Variants in HECTD4 observed in about 807,000 individuals in gnomAD.
HECTD4 encodes probable E3 ubiquitin-protein ligase HECTD4.
Under a neutral mutation model 471.5 loss-of-function variants are expected in HECTD4, and 114 were observed. That is an observed-to-expected ratio of 0.24 (90% confidence interval 0.21 to 0.28). The LOEUF (loss-of-function observed/expected upper bound fraction) is 0.28, where lower values mean the gene tolerates loss of function less well. HECTD4 is among the 10% of genes least tolerant of loss of function. The probability of loss-of-function intolerance (pLI) is 1.00; values close to 1 mark genes in which losing one functional copy is unlikely to be tolerated. For synonymous variants in HECTD4, 2,012 were observed against 2,256.0 expected, an observed-to-expected ratio of 0.89 and a Z score of 3.07; for missense variants, 3,866 against 5,651.5, an observed-to-expected ratio of 0.68 and a Z score of 10.13.
At position 112,179,508 on chromosome 12, in the gene HECTD4, A is replaced by G. The variant is rs1311138814; in HGVS notation, c.10988-111T>C. ...TTGAAAGGGGCAGTGGATGGACATTAGTGGAAGGAAGAGCTGCCCACCAAA... is the reference window on the plus strand; with the variant it reads ...TTGAAAGGGGCAGTGGATGGACATTGGTGGAAGGAAGAGCTGCCCACCAAA... On this transcript the variant is annotated intron_variant, in intron 62 of 75. Coordinates refer to ENST00000682272, the MANE Select transcript of HECTD4 (RefSeq NM_001388303.1). The surrounding 1 kb of genome is among the most constrained non-coding windows in gnomAD (Gnocchi z 4.3). 2 of 947,276 alleles carry G rather than the reference A, an allele frequency of 2.1e-6. No individual in the cohort carries two copies. Among genetic ancestry groups the G allele is most frequent in the East Asian group, 2.6e-5 (1 of 38,132 alleles). 58.7% of individuals were successfully genotyped at this position (947,276 alleles called of 1,614,324 possible).
chr12:112,185,814 A>G (rs1203570395), intron 60 of HECTD4, among the ~76,000 whole-genome samples: 3 of 152,258 alleles, frequency 2.0e-5, no homozygotes, highest in Non-Finnish European at 2.9e-5. Flanking sequence ...CATGTTGGTG[A>G]TAAGTCCCTA....
At chr12:112,190,265 A>C (rs2032034215) in intron 60 of HECTD4, among the ~76,000 whole-genome samples, 1 of 152,254 alleles carries the variant, frequency 6.6e-6, no homozygotes, top group Non-Finnish European at 1.5e-5. Context: ...AGTTGTAGAC[A>C]TCAGTATGCT....
In HECTD4 at chr12:112,184,676, G is replaced by T; in HGVS notation, c.10290C>A (p.Asp3430Glu). ...ACNAHGGVFK[D>E]EIYIPLQEED... is the part of the protein sequence containing the mutation. ...CTTCCTGCAGCGGGATGTAGATCTC[G>T]TCTTTGAAGACCCCGCCGTGGGCGT... The change falls in exon 61 of 76, where the codon GAC (aspartate) becomes GAA (glutamate). Residue 3430 changes from aspartate to glutamate, a missense_variant. Transcript: ENST00000682272. The surrounding 1 kb of genome is among the most constrained non-coding windows in gnomAD (Gnocchi z 9.1). 1 of 1,613,052 alleles carries T rather than the reference G, an allele frequency of 6.2e-7. No individual in the cohort carries two copies. Among genetic ancestry groups the T allele is most frequent in the Admixed American group, 1.7e-5 (1 of 59,948 alleles).
chr12:112,378,366 C>A (rs1004509394), intron 1 of HECTD4, among the ~76,000 whole-genome samples: 12 of 151,178 alleles, frequency 7.9e-5, no homozygotes, highest in African/African-American at 2.7e-4. Flanking sequence ...CTACAAGCGC[C>A]CGCCACCACG....
In HECTD4 at chr12:112,256,500, T is replaced by C. The variant is rs561890312; in HGVS notation, c.3147A>G (p.Glu1049=). Reference sequence around the variant, plus strand: ...TTAAACCAGTGAGAAATCCTGGCTCTTCCTTCTCTTCTAACATTCTAAACA... The same window carrying C: ...TTAAACCAGTGAGAAATCCTGGCTCCTCCTTCTCTTCTAACATTCTAAACA... ...FPDERMLEEK[E]EPGFLTGLKI... The change falls in exon 21 of 76, where the codon GAA becomes GAG. Residue 1049 remains glutamate, a synonymous_variant. Transcript: ENST00000682272. The C allele has an allele frequency of 1.3e-6, 2 of 1,590,522 alleles. No individual in the cohort carries two copies. The highest frequency in any genetic ancestry group is 2.3e-5 in the South Asian group (2 of 85,754).
chr12:112,270,247 A>G lies in HECTD4; in HGVS notation c.2155T>C (p.Cys719Arg). The G allele has an allele frequency of 6.2e-7, 1 of 1,613,044 alleles. No homozygotes were observed. Among genetic ancestry groups the G allele is most frequent in the Non-Finnish European group, 8.5e-7 (1 of 1,178,998 alleles). The change falls in exon 12 of 76, where the codon TGC (cysteine) becomes CGC (arginine). Residue 719 changes from cysteine to arginine, a missense_variant. Physicochemically the swap from Cys to Arg is radical, Grantham distance 180. Coordinates refer to ENST00000682272, the MANE Select transcript of HECTD4 (RefSeq NM_001388303.1). ...TTTACCTGAAAGACAACGAGAATGC[A>G]GCGTATAATACAGGTATCTCCATTA... is the stretch of plus-strand genomic sequence containing the variant. ...MVNGDTCIIR[C>R]ILVVFQVVFK...
At chr12:112,356,962 AAC>A (rs1238071485) in intron 1 of HECTD4, among the ~76,000 whole-genome samples, 1 of 152,206 alleles carries the variant, frequency 6.6e-6, no homozygotes, top group Non-Finnish European at 1.5e-5. Flanking sequence ...TCATTACATT[AAC>A]AGACAGTTCG....
chr12:112,364,421 A>T lies in HECTD4; in HGVS notation c.177+17531T>A, dbSNP rs537518803. Among the ~76,000 whole-genome samples, 403 of 147,640 alleles carry T rather than the reference A, an allele frequency of 2.7e-3. 3 individuals carry two copies. The highest frequency in any genetic ancestry group is 8.7e-3 in the African/African-American group (341 of 39,118). ...GACTCTCTCTCTCAAAAAAAAAAAA[A>T]AATAAATAAATAAAAGGCAAAATGT... On this transcript the variant is annotated intron_variant, in intron 1 of 75. Transcript: ENST00000682272.
At chr12:112,353,803 C>A (rs570464900) in intron 1 of HECTD4, among the ~76,000 whole-genome samples, 13 of 152,284 alleles carry the variant, frequency 8.5e-5, no homozygotes, top group African/African-American at 3.1e-4. Flanking sequence ...CTCATAGAAT[C>A]CACTTGCTTG....
intron 22 of HECTD4, among the ~76,000 whole-genome samples, chr12:112,253,556 A>G (rs2033943551): frequency 6.6e-6 from 1 of 152,232 alleles, no homozygotes; most frequent in South Asian, 2.1e-4. Context: ...TCTTATATTC[A>G]TATTCCAGGC....
At chr12:112,268,320 C>T (rs1300955119) in intron 13 of HECTD4, among the ~76,000 whole-genome samples, 1 of 152,128 alleles carries the variant, frequency 6.6e-6, no homozygotes, top group Non-Finnish European at 1.5e-5. Flanking sequence ...GAAAGAGATT[C>T]GAAGCATAAT....
chr12:112,223,452 C>T (rs2033151875), intron 44 of HECTD4, among the ~76,000 whole-genome samples: 1 of 152,136 alleles, frequency 6.6e-6, no homozygotes, highest in Non-Finnish European at 1.5e-5. Flanking sequence ...CAGAGTCTTG[C>T]TCTGTCTCCC....
rs944659447 is a variant in HECTD4, at chr12:112,184,114, G to A, written c.10779+73C>T. 20 of 1,386,572 alleles carry A rather than the reference G, an allele frequency of 1.4e-5. No homozygotes were observed. The Admixed American group carries it at 3.8e-4, about 26-fold the overall frequency. The allele number at this position is 1,386,572 out of a possible 1,614,324, so 85.9% of individuals were successfully genotyped here. A position where few individuals can be genotyped will look rare whatever the true frequency, so the allele number is the denominator to read the frequency against. On this transcript the variant is annotated intron_variant, in intron 61 of 75. Transcript: ENST00000682272. This position sits in a 1 kb window ranked among gnomAD's most constrained non-coding sequence, Gnocchi z 9.1. ...CCATTACCTACTAGGAAATAACTTT[G>A]GAAGATTTAAAGAGGCTTGGGGGAT...
chr12:112,364,859 T>C (rs2036529540), intron 1 of HECTD4, among the ~76,000 whole-genome samples: 1 of 152,258 alleles, frequency 6.6e-6, no homozygotes, highest in Admixed American at 6.5e-5. Context: ...TTAGTGAATT[T>C]TTCCTGACCT....
rs761294926 is a variant in HECTD4, at chr12:112,179,198, CT to C, written c.11186del (p.Lys3729ArgfsTer11). 1 of 1,613,766 alleles carries C rather than the reference CT, an allele frequency of 6.2e-7. No homozygotes were observed. The highest frequency in any genetic ancestry group is 1.7e-5 in the Admixed American group (1 of 59,990). The part of the protein sequence containing the change: ...LFFTNVRPPK[K>X]VLEDQLTQIL... ...CCTGGGTGAGCTGATCCTCCAGCAC[CT>C]TTTTTGGCGGCCGGACATTGGTGAA... On this transcript the variant is annotated frameshift_variant, in exon 63 of 76. Coordinates refer to ENST00000682272, the MANE Select transcript of HECTD4 (RefSeq NM_001388303.1). LOFTEE classifies it high-confidence loss of function. The surrounding 1 kb of genome is among the most constrained non-coding windows in gnomAD (Gnocchi z 4.3).
chr12:112,199,768 C>T (rs762181009), intron 55 of HECTD4, among the ~76,000 whole-genome samples: 3 of 152,188 alleles, frequency 2.0e-5, no homozygotes, highest in Non-Finnish European at 4.4e-5. Context: ...TCAAGCAATA[C>T]CTGATTGGCT....
intron 9 of HECTD4, among the ~76,000 whole-genome samples, chr12:112,277,035 C>T (rs1175749461): frequency 6.6e-6 from 1 of 152,080 alleles, no homozygotes; most frequent in African/African-American, 2.4e-5. Flanking sequence ...GCAGTCCCTC[C>T]AAGGGTAAAC....
chr12:112,225,200 T>C (rs879415520), intron 44 of HECTD4, among the ~76,000 whole-genome samples: 5 of 149,116 alleles, frequency 3.4e-5, no homozygotes, highest in Admixed American at 2.0e-4. Flanking sequence ...AATTTAAAAA[T>C]AAAAAGAAAA....
chr12:112,342,463 AACAAAC>A (rs1467347073), intron 1 of HECTD4, among the ~76,000 whole-genome samples: 2 of 152,148 alleles, frequency 1.3e-5, no homozygotes, highest in Non-Finnish European at 2.9e-5. Flanking sequence ...TCTATTTAAA[AACAAAC>A]AAACAAACAA....
Sources: allele counts gnomAD v4.1 joint callset (sites outside exome capture counted in the v4.1 genomes callset), GRCh38; gene constraint gnomAD v4.1.1; non-coding constraint Gnocchi (gnomAD v3.1); transcripts MANE v1.5; gene names NCBI Gene and HGNC (gene_info 2026-07-23, HGNC 2026-07-21).